The following QTMAN variants were observed in gnomAD, a reference collection of about 807,000 sequenced individuals.
QTMAN encodes queuosine-tRNA mannosyltransferase, also known as tRNA-queuosine alpha-mannosyltransferase.
chr2:144,216,895 C>A, the QTMAN span, among the ~76,000 whole-genome samples: 1 of 152,018 alleles, frequency 6.6e-6, no homozygotes. Context: ...GATAAGAAGC[C>A]AATTCCCTCA....
chr2:144,224,305 A>G, the QTMAN span, among the ~76,000 whole-genome samples: 1 of 152,250 alleles, frequency 6.6e-6, no homozygotes, highest in Admixed American at 6.5e-5. Flanking sequence ...ACAAACCTGT[A>G]CGTGAATGTT....
chr2:144,222,936 C>T, the QTMAN span, among the ~76,000 whole-genome samples: 1 of 152,188 alleles, frequency 6.6e-6, no homozygotes, highest in Non-Finnish European at 1.5e-5. Context: ...TTTTAAAAGA[C>T]TTCTCATAAC....
At chr2:144,240,198 A>G in the QTMAN span, among the ~76,000 whole-genome samples, 1 of 152,244 alleles carries the variant, frequency 6.6e-6, no homozygotes, top group Admixed American at 6.5e-5. Flanking sequence ...AGCAGGACAG[A>G]GAAGAATTAA....
chr2:144,326,994 TACG>T, the QTMAN span, among the ~76,000 whole-genome samples: 1 of 152,174 alleles, frequency 6.6e-6, no homozygotes, highest in African/African-American at 2.4e-5. Flanking sequence ...AGTCTTTTGC[TACG>T]ACGTGGGTGT....
the QTMAN span, among the ~76,000 whole-genome samples, chr2:144,199,577 A>G: frequency 6.6e-6 from 1 of 152,214 alleles, no homozygotes. Context: ...GTCATATTAG[A>G]GTGACTCTGA....
the QTMAN span, among the ~76,000 whole-genome samples, chr2:144,203,736 T>C: frequency 6.4e-4 from 98 of 152,256 alleles, no homozygotes; most frequent in African/African-American, 2.1e-3. Context: ...CTACTTCTAA[T>C]TGTAAAATAT....
the QTMAN span, among the ~76,000 whole-genome samples, chr2:144,191,562 T>C: frequency 6.6e-6 from 1 of 152,204 alleles, no homozygotes. Flanking sequence ...GAATACATTA[T>C]AAATTTTGAT....
chr2:144,051,146 A>G, the QTMAN span, among the ~76,000 whole-genome samples: 2 of 152,054 alleles, frequency 1.3e-5, 1 homozygote, highest in Admixed American at 1.3e-4. Flanking sequence ...TTATTATTTT[A>G]TTGATCTAAT....
the QTMAN span, among the ~76,000 whole-genome samples, chr2:144,134,202 T>A: frequency 5.9e-5 from 9 of 152,288 alleles, no homozygotes; most frequent in South Asian, 8.3e-4. Flanking sequence ...TGTTTTTTTT[T>A]AATAAGAATT....
chr2:144,321,252 G>A, the QTMAN span, among the ~76,000 whole-genome samples: 1 of 152,148 alleles, frequency 6.6e-6, no homozygotes, highest in African/African-American at 2.4e-5. Context: ...CTTGAGCATT[G>A]CTTCAAAACG....
the QTMAN span, among the ~76,000 whole-genome samples, chr2:143,970,211 A>C: frequency 6.6e-6 from 1 of 152,218 alleles, no homozygotes; most frequent in Non-Finnish European, 1.5e-5. Context: ...TATGACATGG[A>C]CTATAGTCCA....
At chr2:144,280,125 T>C in the QTMAN span, among the ~76,000 whole-genome samples, 17 of 152,310 alleles carry the variant, frequency 1.1e-4, no homozygotes, top group African/African-American at 4.1e-4. Context: ...CTAGTACTGT[T>C]AGCAGCATAA....
chr2:143,970,109 G>A, the QTMAN span, among the ~76,000 whole-genome samples: 12 of 152,272 alleles, frequency 7.9e-5, no homozygotes, highest in Middle Eastern at 3.4e-3. Flanking sequence ...AAAAGGCTCC[G>A]TGTGGCATTA....
chr2:144,243,061 T>C, the QTMAN span, among the ~76,000 whole-genome samples: 2 of 151,204 alleles, frequency 1.3e-5, no homozygotes, highest in Admixed American at 1.3e-4. Context: ...TTAATCCACA[T>C]TTAGGCTTAC....
chr2:144,158,215 C>A, the QTMAN span, among the ~76,000 whole-genome samples: 1 of 151,874 alleles, frequency 6.6e-6, no homozygotes, highest in African/African-American at 2.4e-5. Flanking sequence ...AGTAACAAGG[C>A]GAGATTCTCC....
At chr2:144,069,164 A>G in the QTMAN span, among the ~76,000 whole-genome samples, 2 of 152,010 alleles carry the variant, frequency 1.3e-5, no homozygotes, top group African/African-American at 4.8e-5. Flanking sequence ...CTGTTATTGC[A>G]TAGATGGTAC....
chr2:144,288,670 C>T, the QTMAN span, among the ~76,000 whole-genome samples: 1 of 152,150 alleles, frequency 6.6e-6, no homozygotes, highest in African/African-American at 2.4e-5. Context: ...CCAAGGCCTG[C>T]AAACTTCTCT....
chr2:144,009,311 G>C, the QTMAN span, among the ~76,000 whole-genome samples: 1 of 152,078 alleles, frequency 6.6e-6, no homozygotes, highest in South Asian at 2.1e-4. Context: ...AACAGAGGTG[G>C]AGATAGGCTT....
At chr2:143,998,975 T>C in the QTMAN span, among the ~76,000 whole-genome samples, 4,561 of 152,124 alleles carry the variant, frequency 0.03, 222 homozygotes, top group African/African-American at 0.1. Context: ...CTGGACTTAC[T>C]GAGCAGGTGA....
Sources: gnomAD v4.1 joint callset for allele counts (sites outside exome capture counted in the v4.1 genomes callset) on GRCh38, gnomAD v4.1.1 for gene constraint, MANE v1.5 for transcripts, NCBI Gene and HGNC (gene_info 2026-07-23, HGNC 2026-07-21) for gene names.